Variants in OTOA observed in about 807,000 individuals in gnomAD.
The protein encoded by OTOA is otoancorin, also known as cancer/testis antigen 108.
OTOA carries 70 observed loss-of-function variants against 110.8 expected under a neutral mutation model. That is an observed-to-expected ratio of 0.63 (90% CI 0.52 to 0.77). OTOA has a LOEUF of 0.77. Among genes scored for constraint, OTOA ranks in the 30% least tolerant of loss-of-function variants. The pLI, the probability that OTOA is intolerant of heterozygous loss-of-function variation, is 0.00. For synonymous variants in OTOA, 373 were observed against 431.5 expected, an observed-to-expected ratio of 0.86 and a Z score of 1.68; for missense variants, 917 against 1,075.8, an observed-to-expected ratio of 0.85 and a Z score of 2.06.
rs751474372 is a variant in OTOA at position 21,719,185 on chromosome 16, T to C, written c.1682T>C (p.Leu561Pro). Residue 561 changes from leucine to proline, a missense_variant, in exon 16 of 29, where the codon CTT (leucine) becomes CCT (proline). This residue lies in a region of OTOA where 840 missense variants were observed against 910.2 expected (regional missense o/e 0.92). Transcript: ENST00000646100. ...LLKTTRRPEE[L>P]LSAGQLVKGV... is the part of the protein sequence containing the mutation. ...AAGACCACCAGAAGGCCTGAGGAGC[T>C]TTTGAGGTAGGAAAATGTAACTCGG... 1 of 1,614,068 alleles carries C rather than the reference T, an allele frequency of 6.2e-7. No individual in the cohort carries two copies. Among genetic ancestry groups the C allele is most frequent in the South Asian group, 1.1e-5 (1 of 91,080 alleles).
intron 11 of OTOA, chr16:21,704,839 T>C: frequency 1.3e-6 from 1 of 750,580 alleles, no homozygotes. Flanking sequence ...TTGATCTGAT[T>C]GGGTCTTGCT....
intron 9 of OTOA, among the ~76,000 whole-genome samples, chr16:21,694,999 C>G (rs1897902882): frequency 6.6e-6 from 1 of 151,578 alleles, no homozygotes; most frequent in South Asian, 2.1e-4. Flanking sequence ...ATACGGTGCG[C>G]TTCATTATTA....
chr16:21,701,107 C>A (rs1280015865), intron 11 of OTOA, 80 bp downstream of exon 11: 5 of 1,593,826 alleles, frequency 3.1e-6, no homozygotes, highest in Non-Finnish European at 4.3e-6. Flanking sequence ...CAGCAAAACA[C>A]CCAGGGAGGG....
chr16:21,715,187 C>A, intron 14 of OTOA, 35 bp downstream of exon 14: 1 of 1,613,718 alleles, frequency 6.2e-7, no homozygotes, highest in South Asian at 1.1e-5. Context: ...AGCCACATGT[C>A]ACAGGGGGTA....
At chr16:21,693,104 A>T (rs1040332575) in intron 9 of OTOA, among the ~76,000 whole-genome samples, 2 of 151,976 alleles carry the variant, frequency 1.3e-5, no homozygotes, top group African/African-American at 2.4e-5. Flanking sequence ...AAACAAACAA[A>T]CAAAAAAACA....
At chr16:21,686,080 AG>A (rs750669297) in intron 7 of OTOA, among the ~76,000 whole-genome samples, 1 of 152,136 alleles carries the variant, frequency 6.6e-6, no homozygotes, top group Non-Finnish European at 1.5e-5. Flanking sequence ...TCACAAAGCA[AG>A]GCCTCTGAGA....
Position 21,735,049 on chromosome 16 carries a change from G to A in OTOA, c.2302-1212G>A, listed in dbSNP as rs1445914133. ...CCAGCTACTCAGGAGGCTCAGGCAC[G>A]AGAATTACTTGAGCCTGGGAGGTGG... On this transcript the variant is annotated intron_variant, in intron 21 of 28. Coordinates refer to ENST00000646100, the MANE Select transcript of OTOA (RefSeq NM_144672.4). Among the ~76,000 whole-genome samples the A allele has an allele frequency of 3.3e-5, 5 of 150,406 alleles. No individual in the cohort carries two copies. In the South Asian group the frequency reaches 6.3e-4, roughly 19 times the overall value.
chr16:21,716,995 A>G lies in OTOA; in HGVS notation c.1577A>G (p.Gln526Arg). The change falls in exon 15 of 29, where the codon CAA becomes CGA. Residue 526 changes from glutamine (Q) to arginine (R), a missense_variant. Around this residue, in one of 6 missense-constraint regions of OTOA, gnomAD observed 840 missense variants for 910.2 expected, o/e 0.92. Coordinates refer to ENST00000646100, the MANE Select transcript of OTOA (RefSeq NM_144672.4). ...KEVSLFDLRRQPGFNSTVLKD... is the reference protein window; with the variant it reads ...KEVSLFDLRRRPGFNSTVLKD... Reference sequence around the variant, plus strand: ...GTGTCTCTCTTTGATTTAAGGAGGCAACCTGGATTCAACTCTACAGTCCTG... The same window carrying G: ...GTGTCTCTCTTTGATTTAAGGAGGCGACCTGGATTCAACTCTACAGTCCTG... 2 of 1,614,140 alleles carry G rather than the reference A, an allele frequency of 1.2e-6. No individual in the cohort carries two copies. The highest frequency in any genetic ancestry group is 1.7e-6 in the Non-Finnish European group (2 of 1,180,016).
At chr16:21,676,070 C>T (rs1438473941) in intron 1 of OTOA, among the ~76,000 whole-genome samples, 1 of 152,042 alleles carries the variant, frequency 6.6e-6, no homozygotes, top group African/African-American at 2.4e-5. Context: ...TGGGCACCTG[C>T]CACATCCCTG....
intron 1 of OTOA, among the ~76,000 whole-genome samples, chr16:21,667,777 G>T (rs368092985): frequency 5.3e-5 from 8 of 152,150 alleles, no homozygotes; most frequent in African/African-American, 1.9e-4. Context: ...CAATGAATGG[G>T]CATGGACATG....
chr16:21,692,649 C>T lies in OTOA; in HGVS notation c.739+962C>T, dbSNP rs906700324. On this transcript the variant is annotated intron_variant, in intron 9 of 28. Transcript: ENST00000646100. ...CACTTAAAAATGGGGCCAGGTGGGC[C>T]GGGCATGGTGGCTCATGCCTACAAT... is the stretch of plus-strand genomic sequence containing the variant. Among the ~76,000 whole-genome samples the T allele has an allele frequency of 5.3e-5, 8 of 152,004 alleles. No homozygotes were observed. The South Asian group carries it at 1.0e-3, about 20-fold the overall frequency.
chr16:21,694,222 C>T (rs1157869694), intron 9 of OTOA, among the ~76,000 whole-genome samples: 2 of 152,132 alleles, frequency 1.3e-5, no homozygotes, highest in East Asian at 1.9e-4. Flanking sequence ...AGGAGGATTA[C>T]TTGAAGCCAA....
intron 13 of OTOA, among the ~76,000 whole-genome samples, chr16:21,712,981 T>G (rs1898406839): frequency 6.6e-6 from 1 of 152,108 alleles, no homozygotes; most frequent in African/African-American, 2.4e-5. Context: ...TTTTGTTTTT[T>G]GAGACAGGTT....
At chr16:21,754,066 C>CTA (rs1404461602) in intron 27 of OTOA, among the ~76,000 whole-genome samples, 7 of 135,302 alleles carry the variant, frequency 5.2e-5, no homozygotes, top group African/African-American at 8.4e-5. Context: ...CTCTCTCTCT[C>CTA]TATATATATA....
chr16:21,718,346 C>T (rs1035431674), intron 15 of OTOA, among the ~76,000 whole-genome samples: 1 of 152,090 alleles, frequency 6.6e-6, no homozygotes, highest in African/African-American at 2.4e-5. Context: ...TTGCTGTTTC[C>T]TGAGATGGGG....
chr16:21,726,849 A>G (rs1259638872), intron 19 of OTOA, among the ~76,000 whole-genome samples, 191 bp downstream of exon 19: 1 of 151,872 alleles, frequency 6.6e-6, no homozygotes, highest in Non-Finnish European at 1.5e-5. Flanking sequence ...CTTCTGCCCC[A>G]CGGCCCAAAG....
intron 8 of OTOA, among the ~76,000 whole-genome samples, chr16:21,689,804 G>C (rs915754484): frequency 6.6e-6 from 1 of 151,890 alleles, no homozygotes; most frequent in Non-Finnish European, 1.5e-5. Flanking sequence ...TCCTGTCTCA[G>C]CCTCCCAAGT....
At chr16:21,689,650 T>C (rs1567369299) in intron 8 of OTOA, among the ~76,000 whole-genome samples, 1 of 152,144 alleles carries the variant, frequency 6.6e-6, no homozygotes, top group Non-Finnish European at 1.5e-5. Context: ...CTTTGTCTTA[T>C]ATGCTGAAAA....
chr16:21,679,708 G>C (rs1471087311), intron 5 of OTOA, among the ~76,000 whole-genome samples: 2 of 152,094 alleles, frequency 1.3e-5, no homozygotes, highest in Non-Finnish European at 2.9e-5. Context: ...ACCGGCCTAA[G>C]AGCTGAAATT....
Sources: gnomAD v4.1 joint callset for allele counts (sites outside exome capture counted in the v4.1 genomes callset) on GRCh38, gnomAD v4.1.1 for gene constraint, gnomAD v4.1.1 regional missense constraint, MANE v1.5 for transcripts, NCBI Gene and HGNC (gene_info 2026-07-23, HGNC 2026-07-21) for gene names.